NPR1: variants seen among roughly 807,000 people sequenced by gnomAD.
NPR1 encodes the protein atrial natriuretic peptide receptor 1.
In NPR1, 57 loss-of-function variants were observed where a neutral mutation model predicts 116.9. That is an observed-to-expected ratio of 0.49 (90% CI 0.39 to 0.61). The LOEUF is 0.61. NPR1 is among the 20% of genes least tolerant of loss of function. The pLI, the probability that NPR1 is intolerant of heterozygous loss-of-function variation, is 0.00. For missense variants in NPR1, 1,096 were observed against 1,409.8 expected (o/e 0.78, Z 3.56); for synonymous variants, 555 against 601.6 (o/e 0.92, Z 1.13).
chr1:153,692,693 A>G (rs185778606), intron 20 of NPR1, among the ~76,000 whole-genome samples: 1 of 152,146 alleles, frequency 6.6e-6, no homozygotes, highest in East Asian at 1.9e-4. Flanking sequence ...TTGTATTTTT[A>G]GTAGAGACGG....
chr1:153,690,494 C>T (rs1370793959), intron 20 of NPR1, 112 bp downstream of exon 20: 7 of 680,352 alleles, frequency 1.0e-5, no homozygotes, highest in Non-Finnish European at 1.8e-5. Flanking sequence ...CCTTTCGCCT[C>T]CCAAGTTCCC....
In NPR1 at chr1:153,679,977, C is replaced by A. The variant is rs1557959713; in HGVS notation, c.721+148C>A. The A allele has an allele frequency of 2.7e-6, 3 of 1,130,672 alleles. No individual in the cohort carries two copies. Among genetic ancestry groups the A allele is most frequent in the Non-Finnish European group, 3.7e-6 (3 of 817,488 alleles). The allele number at this position is 1,130,672 out of a possible 1,614,324, so 70.0% of individuals were successfully genotyped here. ...TCTACTTTCAGCTCCCTGGCCCTTT[C>A]TACAGCTGAGTTTCTATTTCCCTCT... On this transcript the variant is annotated intron_variant, in intron 1 of 21. Transcript: ENST00000368680. This position sits in a 1 kb window ranked among gnomAD's most constrained non-coding sequence, Gnocchi z 4.2.
Position 153,683,010 on chromosome 1 carries a change from G to A in NPR1, c.1264-366G>A, listed in dbSNP as rs887932282. ...GAAGACGGGCACATGGACTGGGCCT[G>A]CGAATGTAGGCTAAGGTGAACATTA... On this transcript the variant is annotated intron_variant, in intron 5 of 21. Transcript: ENST00000368680. Among the ~76,000 whole-genome samples, 3 of 152,234 alleles carry A rather than the reference G, an allele frequency of 2.0e-5. No individual in the cohort carries two copies. In the East Asian group the frequency reaches 5.8e-4, roughly 29 times the overall value.
At chr1:153,685,956 C>G (rs1387185823) in intron 9 of NPR1, 76 bp downstream of exon 9, 5 of 1,481,636 alleles carry the variant, frequency 3.4e-6, no homozygotes, top group Non-Finnish European at 3.8e-6. Context: ...GTGGGGGGTT[C>G]TGAGGGAAGG....
chr1:153,678,957 C>A lies in NPR1; in HGVS notation c.-152C>A. ...CTCTCGGCCCAGACCGTCGCAGCTA[C>A]AGGGGGCCTCGAGCCCCGGGGTGAG... On this transcript the variant is annotated 5_prime_UTR_variant, in exon 1 of 22. Coordinates refer to ENST00000368680, the MANE Select transcript of NPR1 (RefSeq NM_000906.4). This position sits in a 1 kb window ranked among gnomAD's most constrained non-coding sequence, Gnocchi z 5.8. 14 of 1,040,308 alleles carry A rather than the reference C, an allele frequency of 1.3e-5. No homozygotes were observed. Among genetic ancestry groups the A allele is most frequent in the Non-Finnish European group, 1.8e-5 (14 of 777,772 alleles). The allele number at this position is 1,040,308 out of a possible 1,614,324, so 64.4% of individuals were successfully genotyped here. A position where few individuals can be genotyped will look rare whatever the true frequency, so the allele number is the denominator to read the frequency against.
In NPR1 at chr1:153,687,189, C is replaced by A. The variant is rs1050235129; in HGVS notation, c.1936-11C>A. 1 of 1,614,100 alleles carries A rather than the reference C, an allele frequency of 6.2e-7. No homozygotes were observed. The highest frequency in any genetic ancestry group is 8.5e-7 in the Non-Finnish European group (1 of 1,179,960). Reference sequence around the variant, plus strand: ...CTCCTGGCCAATACCTCTGCCCACTCACATTTCCAGGGCATGCTGTTTCTA... The same window carrying A: ...CTCCTGGCCAATACCTCTGCCCACTAACATTTCCAGGGCATGCTGTTTCTA... On this transcript the variant is annotated splice_polypyrimidine_tract_variant and intron_variant, in intron 12 of 21. Transcript: ENST00000368680.
rs1341772498 is a variant in NPR1 at position 153,693,959 on chromosome 1, T to G, written c.*545T>G. On this transcript the variant is annotated 3_prime_UTR_variant, in exon 22 of 22. Transcript: ENST00000368680. ...GGGCCTGTATGCCTTGCTTCTACCA[T>G]GAGCAGAGACAATTAAAATCTTTAT... is the stretch of plus-strand genomic sequence containing the variant. 1 of 396,196 alleles carries G rather than the reference T, an allele frequency of 2.5e-6. No homozygotes were observed. The highest frequency in any genetic ancestry group is 2.1e-5 in the African/African-American group (1 of 48,536). 24.5% of individuals were successfully genotyped at this position (396,196 alleles called of 1,614,324 possible). A position where few individuals can be genotyped will look rare whatever the true frequency, so the allele number is the denominator to read the frequency against.
chr1:153,682,370 T>G, intron 4 of NPR1, 128 bp from the exon 5 acceptor site: 1 of 696,462 alleles, frequency 1.4e-6, no homozygotes, highest in Admixed American at 2.2e-5. Context: ...GTTTTACCAT[T>G]TACTATCATT....
intron 10 of NPR1, 100 bp downstream of exon 10, chr1:153,686,300 C>G (rs912769353): frequency 8.7e-6 from 10 of 1,153,344 alleles, no homozygotes; most frequent in Non-Finnish European, 1.3e-5. Flanking sequence ...CAGGGTACCC[C>G]AAGAAAGGGG....
At chr1:153,680,970 TC>T (rs1183811940) in intron 2 of NPR1, 9 of 596,772 alleles carry the variant, frequency 1.5e-5, no homozygotes, top group Non-Finnish European at 2.1e-5. Flanking sequence ...GAGGATAAAG[TC>T]CCACAGCCTG....
chr1:153,689,551 C>G lies in NPR1; in HGVS notation c.2757+30C>G, dbSNP rs780567342. On this transcript the variant is annotated intron_variant, in intron 18 of 21. Coordinates refer to ENST00000368680, the MANE Select transcript of NPR1 (RefSeq NM_000906.4). The surrounding 1 kb of genome is among the most constrained non-coding windows in gnomAD (Gnocchi z 5.1). ...GGGTGGGAGTGGGGATGGGAAGGGA[C>G]AGACAGACATGGACAAGGTCAGAAA... The G allele has an allele frequency of 6.9e-6, 11 of 1,594,274 alleles. No individual in the cohort carries two copies. In the African/African-American group the frequency reaches 1.3e-4, roughly 19 times the overall value.
intron 2 of NPR1, 93 bp from the exon 3 acceptor site, chr1:153,681,087 G>C: frequency 1.3e-6 from 1 of 755,472 alleles, no homozygotes; most frequent in Non-Finnish European, 2.4e-6. Flanking sequence ...CAGAGACGCA[G>C]CTCTGGGAGG....
chr1:153,684,489 T>G (rs1387587507), intron 7 of NPR1, among the ~76,000 whole-genome samples: 2 of 150,534 alleles, frequency 1.3e-5, no homozygotes, highest in African/African-American at 2.5e-5. Context: ...CCTCCCAGTT[T>G]CAAGCAATTC....
At chr1:153,687,546 C>A (rs1557963964) in intron 13 of NPR1, 88 bp from the exon 14 acceptor site, 2 of 1,502,340 alleles carry the variant, frequency 1.3e-6, no homozygotes, top group South Asian at 1.3e-5. Flanking sequence ...GTGATGCATC[C>A]AGATCAGTTT....
At chr1:153,687,543 A>C in intron 13 of NPR1, 91 bp from the exon 14 acceptor site, 1 of 1,502,356 alleles carries the variant, frequency 6.7e-7, no homozygotes. Flanking sequence ...TCTGTGATGC[A>C]TCCAGATCAG....
intron 19 of NPR1, 104 bp from the exon 20 acceptor site, chr1:153,690,180 C>G: frequency 2.2e-6 from 2 of 914,036 alleles, no homozygotes; most frequent in South Asian, 3.2e-5. Context: ...GCTGGGACCT[C>G]AGATCCTGCC....
intron 4 of NPR1, among the ~76,000 whole-genome samples, 190 bp downstream of exon 4, chr1:153,682,029 C>T (rs1296891268): frequency 6.6e-6 from 1 of 152,078 alleles, no homozygotes; most frequent in Non-Finnish European, 1.5e-5. Flanking sequence ...CCCTGCTGGG[C>T]ACTGAGTTCT....
intron 8 of NPR1, among the ~76,000 whole-genome samples, 196 bp downstream of exon 8, chr1:153,685,280 G>A (rs1301161013): frequency 6.6e-6 from 1 of 151,946 alleles, no homozygotes; most frequent in Non-Finnish European, 1.5e-5. Flanking sequence ...CCCTCACAGG[G>A]CTCTTTTAAA....
At chr1:153,690,520 A>G in intron 20 of NPR1, 138 bp downstream of exon 20, 1 of 620,732 alleles carries the variant, frequency 1.6e-6, no homozygotes, top group Non-Finnish European at 2.9e-6. Flanking sequence ...CATAATATTA[A>G]GAGTTCAACC....
Sources: allele counts gnomAD v4.1 joint callset (sites outside exome capture counted in the v4.1 genomes callset), GRCh38; gene constraint gnomAD v4.1.1; non-coding constraint Gnocchi (gnomAD v3.1); transcripts MANE v1.5; gene names NCBI Gene and HGNC (gene_info 2026-07-23, HGNC 2026-07-21).